The following SACM1L variants were observed in gnomAD, a reference collection of about 807,000 sequenced individuals.
The protein encoded by SACM1L is phosphatidylinositol-3-phosphatase SAC1.
In SACM1L, 32 loss-of-function variants were observed where a neutral mutation model predicts 89.5. The ratio of observed to expected loss-of-function variants is 0.36; its 90% CI spans 0.27 to 0.48. The LOEUF is 0.48. Ranked by LOEUF, SACM1L falls within the 20% of genes least tolerant of loss-of-function variation. The pLI is 0.99. For missense variants in SACM1L, 543 were observed against 708.5 expected (o/e 0.77, Z 2.65); for synonymous variants, 213 against 232.8 (o/e 0.92, Z 0.77).
chr3:45,694,369 C>T (rs1489970478), intron 1 of SACM1L, among the ~76,000 whole-genome samples: 1 of 152,012 alleles, frequency 6.6e-6, no homozygotes, highest in African/African-American at 2.4e-5. Context: ...ACAGATGTAA[C>T]CTAAGCTACC....
In SACM1L at chr3:45,705,131, A is replaced by G. The variant is rs1271791019; in HGVS notation, c.131-4A>G. ...GATTTTTCTTTCTTTCCTTTCTTTT[A>G]AAGTCAAGAAAGATGTTCCTCCTTC... On this transcript the variant is annotated splice_polypyrimidine_tract_variant and splice_region_variant and intron_variant, in intron 2 of 19. Coordinates refer to ENST00000389061, the MANE Select transcript of SACM1L (RefSeq NM_014016.5). 6.3e-7 allele frequency: 1 copy of G among 1,590,326 alleles called. No homozygotes were observed. The highest frequency in any genetic ancestry group is 1.4e-5 in the African/African-American group (1 of 73,932).
chr3:45,723,965 G>GACACAC (rs139247863), intron 11 of SACM1L, among the ~76,000 whole-genome samples: 150 of 149,652 alleles, frequency 1.0e-3, no homozygotes, highest in South Asian at 1.9e-3. Flanking sequence ...CACACACACA[G>GACACAC]ACACACACAC....
chr3:45,689,501 A>T lies in SACM1L; in HGVS notation c.32+4A>T. 6.3e-7 allele frequency: 1 copy of T among 1,578,502 alleles called. No homozygotes were observed. Among genetic ancestry groups the T allele is most frequent in the Non-Finnish European group, 8.6e-7 (1 of 1,163,288 alleles). On this transcript the variant is annotated splice_donor_region_variant and intron_variant, in intron 1 of 19. Transcript: ENST00000389061. ...CGGCCTACGAGCAGCTGAAGCTGTG[A>T]GTCCCACGGGCCAGAGGCCTGAGGC...
intron 4 of SACM1L, among the ~76,000 whole-genome samples, chr3:45,708,761 A>T (rs890999720): frequency 6.6e-6 from 1 of 152,182 alleles, no homozygotes; most frequent in East Asian, 1.9e-4. Context: ...GCACAAATAA[A>T]AAATTTTGTA....
chr3:45,744,279 T>C lies in SACM1L; in HGVS notation c.*610T>C, dbSNP rs1393347583. On this transcript the variant is annotated 3_prime_UTR_variant, in exon 20 of 20. Coordinates refer to ENST00000389061, the MANE Select transcript of SACM1L (RefSeq NM_014016.5). ...TCTCTGGTGGGCTGCCTCATGACTTTAATCAGCTTGAACTGCCAGTGCACC... is the reference window on the plus strand; with the variant it reads ...TCTCTGGTGGGCTGCCTCATGACTTCAATCAGCTTGAACTGCCAGTGCACC... 2.0e-5 allele frequency: 3 copies of C among 152,516 alleles called. No homozygotes were observed. In the East Asian group the frequency reaches 5.8e-4, roughly 29 times the overall value. 9.4% of individuals were successfully genotyped at this position (152,516 alleles called of 1,614,324 possible). A position where few individuals can be genotyped will look rare whatever the true frequency, so the allele number is the denominator to read the frequency against.
At chr3:45,731,002 T>C (rs1248528713) in intron 11 of SACM1L, among the ~76,000 whole-genome samples, 1 of 152,262 alleles carries the variant, frequency 6.6e-6, no homozygotes, top group Non-Finnish European at 1.5e-5. Context: ...TATTCCCTTG[T>C]AAGACTAAGG....
chr3:45,714,245 T>G (rs929237310), intron 7 of SACM1L, among the ~76,000 whole-genome samples, 166 bp downstream of exon 7: 17 of 151,680 alleles, frequency 1.1e-4, no homozygotes, highest in Non-Finnish European at 1.9e-4. Flanking sequence ...TTGTTTGTTT[T>G]TTTTTTTTTT....
intron 1 of SACM1L, among the ~76,000 whole-genome samples, chr3:45,698,134 G>A (rs955054151): frequency 6.6e-6 from 1 of 152,144 alleles, no homozygotes; most frequent in Admixed American, 6.5e-5. Flanking sequence ...AGCCCAGGAA[G>A]CATAAAACAT....
intron 16 of SACM1L, 31 bp from the exon 17 acceptor site, chr3:45,738,547 C>A: frequency 1.5e-6 from 2 of 1,356,300 alleles, no homozygotes; most frequent in Non-Finnish European, 1.1e-6. Context: ...GTGTACAAAC[C>A]TGTAACTTAA....
At chr3:45,705,022 A>C in intron 2 of SACM1L, 113 bp from the exon 3 acceptor site, 1 of 658,872 alleles carries the variant, frequency 1.5e-6, no homozygotes, top group Non-Finnish European at 2.6e-6. Context: ...CTTTTCTTAG[A>C]ACAAATCATG....
At chr3:45,694,300 TA>T (rs1286692462) in intron 1 of SACM1L, among the ~76,000 whole-genome samples, 2 of 152,324 alleles carry the variant, frequency 1.3e-5, no homozygotes, top group Non-Finnish European at 1.5e-5. Flanking sequence ...TTGCCATTTT[TA>T]AAAGAGTCTC....
At chr3:45,730,109 C>G (rs767280) in intron 11 of SACM1L, among the ~76,000 whole-genome samples, 63,012 of 151,880 alleles carry the variant, frequency 0.41, 14,884 homozygotes, top group Middle Eastern at 0.56. Context: ...TCTAATAAGT[C>G]TAGTCTTTGT....
intron 1 of SACM1L, 124 bp downstream of exon 1, chr3:45,689,621 G>A (rs1177850362): frequency 8.2e-7 from 1 of 1,214,386 alleles, no homozygotes; most frequent in South Asian, 1.3e-5. Flanking sequence ...CGCATTTACC[G>A]GTTTTCCTCA....
In SACM1L at chr3:45,731,327, A is replaced by T. The variant is rs1032694134; in HGVS notation, c.948A>T (p.Pro316=). The change falls in exon 12 of 20, where the codon CCA becomes CCT. Residue 316 remains proline (P), a synonymous_variant. Coordinates refer to ENST00000389061, the MANE Select transcript of SACM1L (RefSeq NM_014016.5). ...NLINQKGSEK[P]LEQTFATMVS... is the part of the protein sequence containing the mutation. Reference sequence around the variant, plus strand: ...TTAACCAGAAGGGCTCGGAGAAGCCACTTGAGCAGACATTTGCAACAATGG... The same window carrying T: ...TTAACCAGAAGGGCTCGGAGAAGCCTCTTGAGCAGACATTTGCAACAATGG... The T allele has an allele frequency of 6.2e-7, 1 of 1,613,486 alleles. No individual in the cohort carries two copies. Among genetic ancestry groups the T allele is most frequent in the Non-Finnish European group, 8.5e-7 (1 of 1,179,544 alleles).
At chr3:45,709,997 G>T (rs376554020) in intron 5 of SACM1L, among the ~76,000 whole-genome samples, 2 of 152,122 alleles carry the variant, frequency 1.3e-5, no homozygotes, top group South Asian at 4.1e-4. Context: ...CTTCAAACTA[G>T]CATTGCATTC....
At chr3:45,722,820 A>C (rs758678385) in intron 9 of SACM1L, 49 bp from the exon 10 acceptor site, 1 of 1,409,676 alleles carries the variant, frequency 7.1e-7, no homozygotes, top group South Asian at 1.2e-5. Flanking sequence ...TAAGGTGAGA[A>C]AAACAAGTAT....
intron 1 of SACM1L, among the ~76,000 whole-genome samples, chr3:45,692,316 GTTTTTTT>G (rs141224972): frequency 2.0e-5 from 3 of 148,530 alleles, no homozygotes; most frequent in Non-Finnish European, 3.0e-5. Context: ...TTGAAAGAGA[GTTTTTTT>G]TTTTTTTTAT....
At chr3:45,692,321 T>G (rs1336362020) in intron 1 of SACM1L, among the ~76,000 whole-genome samples, 29 of 152,088 alleles carry the variant, frequency 1.9e-4, no homozygotes, top group African/African-American at 3.6e-4. Context: ...AGAGAGTTTT[T>G]TTTTTTTTTT....
At chr3:45,716,313 A>C (rs1265768535) in intron 7 of SACM1L, among the ~76,000 whole-genome samples, 1 of 152,070 alleles carries the variant, frequency 6.6e-6, no homozygotes, top group Non-Finnish European at 1.5e-5. Flanking sequence ...GTCTCTACAA[A>C]AATTTTTTAA....
Sources: gnomAD v4.1 joint callset for allele counts (sites outside exome capture counted in the v4.1 genomes callset) on GRCh38, gnomAD v4.1.1 for gene constraint, MANE v1.5 for transcripts, NCBI Gene and HGNC (gene_info 2026-07-23, HGNC 2026-07-21) for gene names.